The following PPIC variants were observed in gnomAD, a reference collection of about 807,000 sequenced individuals.
PPIC encodes peptidyl-prolyl cis-trans isomerase C.
Under a neutral mutation model 19.5 loss-of-function variants are expected in PPIC, and 19 were observed. The observed-to-expected ratio is 0.98, with a 90% CI of 0.68 to 1.43. The LOEUF (loss-of-function observed/expected upper bound fraction) is 1.43, where lower values mean the gene tolerates loss of function less well. Among genes scored for constraint, PPIC ranks in the 40% most tolerant of loss-of-function variants. The pLI, the probability that PPIC is intolerant of heterozygous loss-of-function variation, is 0.00. For synonymous variants in PPIC, 107 were observed against 101.2 expected (o/e 1.06, Z -0.34); for missense variants, 268 against 268.6 (o/e 1.00, Z 0.02).
Position 123,023,807 on chromosome 5 carries a change from AACAC to A in PPIC, c.*64_*67del, listed in dbSNP as rs70988555. ...AAAGCAAATAATTGAAAGACAACAC[AACAC>A]ACACACACACACACACACACACACA... On this transcript the variant is annotated 3_prime_UTR_variant, in exon 5 of 5. Transcript: ENST00000306442. 12,307 of 1,291,420 alleles carry A rather than the reference AACAC, an allele frequency of 9.5e-3. 64 individuals are homozygous for A. The highest frequency in any genetic ancestry group is 0.074 in the Admixed American group (2,816 of 38,296). 80.0% of individuals were successfully genotyped at this position (1,291,420 alleles called of 1,614,324 possible). A position where few individuals can be genotyped will look rare whatever the true frequency, so the allele number is the denominator to read the frequency against.
chr5:123,035,639 C>T (rs1268610511), intron 1 of PPIC, among the ~76,000 whole-genome samples: 1 of 152,190 alleles, frequency 6.6e-6, no homozygotes, highest in African/African-American at 2.4e-5. Flanking sequence ...AGCCCGCCCC[C>T]TCCAGCTTCA....
intron 1 of PPIC, among the ~76,000 whole-genome samples, chr5:123,030,072 C>A (rs140964373): frequency 6.6e-6 from 1 of 152,288 alleles, no homozygotes; most frequent in East Asian, 1.9e-4. Flanking sequence ...TGGGTCATCA[C>A]GCTGACAAAG....
At chr5:123,032,852 A>T (rs560750903) in intron 1 of PPIC, among the ~76,000 whole-genome samples, 1 of 152,238 alleles carries the variant, frequency 6.6e-6, no homozygotes, top group South Asian at 2.1e-4. Context: ...TCCATGCTAG[A>T]CTTTGGGGTG....
intron 3 of PPIC, among the ~76,000 whole-genome samples, chr5:123,026,481 G>C (rs751135611): frequency 1.1e-4 from 17 of 152,156 alleles, no homozygotes; most frequent in Middle Eastern, 3.2e-3. Context: ...CTGAAGAGTA[G>C]GTATTCTCCG....
intron 4 of PPIC, 125 bp downstream of exon 4, chr5:123,025,658 CT>C: frequency 1.0e-6 from 1 of 974,666 alleles, no homozygotes; most frequent in Non-Finnish European, 1.5e-6. Flanking sequence ...ATTTATTCAC[CT>C]TTGAAGAGGC....
At chr5:123,026,419 C>A (rs773445909) in intron 3 of PPIC, among the ~76,000 whole-genome samples, 3 of 152,190 alleles carry the variant, frequency 2.0e-5, no homozygotes, top group African/African-American at 4.8e-5. Context: ...AGCACCCAAC[C>A]AGGATGCACC....
Position 123,028,770 on chromosome 5 carries a change from G to A in PPIC, c.325+5C>T, listed in dbSNP as rs780293313. ...AATGGGAAAGGAAAAATGCAAAGAC[G>A]TTACCCCCAGTGCCATCTCCAGTGG... On this transcript the variant is annotated splice_donor_5th_base_variant and intron_variant, in intron 3 of 4. Coordinates refer to ENST00000306442, the MANE Select transcript of PPIC (RefSeq NM_000943.5). 51 of 1,605,372 alleles carry A rather than the reference G, an allele frequency of 3.2e-5. No individual in the cohort carries two copies. The highest frequency in any genetic ancestry group is 4.2e-5 in the Non-Finnish European group (49 of 1,173,776).
At chr5:123,028,681 C>T in intron 3 of PPIC, 94 bp downstream of exon 3, 1 of 1,014,832 alleles carries the variant, frequency 9.9e-7, no homozygotes, top group Non-Finnish European at 1.5e-6. Context: ...AACTGTGTTC[C>T]TTAGCTCTGG....
rs1762845115 is a variant in PPIC at position 123,025,881 on chromosome 5, C to T, written c.413G>A (p.Gly138Glu). 1 of 1,614,002 alleles carries T rather than the reference C, an allele frequency of 6.2e-7. No homozygotes were observed. Among genetic ancestry groups the T allele is most frequent in the African/African-American group, 1.3e-5 (1 of 74,984 alleles). The change falls in exon 4 of 5, where the codon GGG becomes GAG. Residue 138 changes from glycine (G) to glutamate (E), a missense_variant. Physicochemically the swap from Gly to Glu is moderately conservative, Grantham distance 98. Coordinates refer to ENST00000306442, the MANE Select transcript of PPIC (RefSeq NM_000943.5). ...GAACTGAGAGCCATTGGTGTCAGGC[C>T]CAGCGTTGGCCATGCTGACCCACCC... ...GIGWVSMANA[G>E]PDTNGSQFFI...
chr5:123,034,279 C>G (rs1258534355), intron 1 of PPIC, among the ~76,000 whole-genome samples: 1 of 152,120 alleles, frequency 6.6e-6, no homozygotes, highest in Non-Finnish European at 1.5e-5. Flanking sequence ...TAAGACGCAC[C>G]TACACAATCA....
chr5:123,032,397 G>C (rs570841108), intron 1 of PPIC, among the ~76,000 whole-genome samples: 16 of 152,294 alleles, frequency 1.1e-4, no homozygotes, highest in Non-Finnish European at 2.2e-4. Flanking sequence ...TCTCCGGGTC[G>C]AGCCAGGGAA....
At chr5:123,026,094 T>C (rs1762849038) in intron 3 of PPIC, 126 bp from the exon 4 acceptor site, 1 of 778,282 alleles carries the variant, frequency 1.3e-6, no homozygotes, top group Non-Finnish European at 2.0e-6. Context: ...GGAAGACATG[T>C]TCAAACATAA....
chr5:123,027,198 G>GA (rs1391591555), intron 3 of PPIC, among the ~76,000 whole-genome samples: 7 of 150,370 alleles, frequency 4.7e-5, no homozygotes, highest in East Asian at 1.9e-4. Context: ...TGTCTCAAAA[G>GA]AAAAAAAAAG....
At chr5:123,034,723 T>C (rs1762982533) in intron 1 of PPIC, among the ~76,000 whole-genome samples, 1 of 152,172 alleles carries the variant, frequency 6.6e-6, no homozygotes, top group Non-Finnish European at 1.5e-5. Context: ...TATTTGGCAA[T>C]CCTATTCCCT....
In PPIC at chr5:123,024,011, G is replaced by C. The variant is rs760783773; in HGVS notation, c.511-8C>G. The C allele has an allele frequency of 6.2e-7, 1 of 1,611,010 alleles. No individual in the cohort carries two copies. The highest frequency in any genetic ancestry group is 8.5e-7 in the Non-Finnish European group (1 of 1,178,410). ...TATGGAGTGCACCACTGTCTGGTGA[G>C]AGAAAAGTAGACACATGGTTTAATT... On this transcript the variant is annotated splice_region_variant and splice_polypyrimidine_tract_variant and intron_variant, in intron 4 of 4. Transcript: ENST00000306442.
chr5:123,036,688 T>A lies in PPIC; in HGVS notation c.-63A>T. On this transcript the variant is annotated 5_prime_UTR_variant, in exon 1 of 5. Transcript: ENST00000306442. The surrounding 1 kb of genome is among the most constrained non-coding windows in gnomAD (Gnocchi z 4.5). ...ACCGGCACGGGCGCGACACAGGCTCTGGGACAGCTGACGGGACTGCCGGCC... is the reference window on the plus strand; with the variant it reads ...ACCGGCACGGGCGCGACACAGGCTCAGGGACAGCTGACGGGACTGCCGGCC... 2 of 1,403,300 alleles carry A rather than the reference T, an allele frequency of 1.4e-6. No homozygotes were observed. Among genetic ancestry groups the A allele is most frequent in the Non-Finnish European group, 2.0e-6 (2 of 1,025,302 alleles). 86.9% of individuals were successfully genotyped at this position (1,403,300 alleles called of 1,614,324 possible).
At chr5:123,029,827 C>T (rs1762920481) in intron 1 of PPIC, among the ~76,000 whole-genome samples, 1 of 152,196 alleles carries the variant, frequency 6.6e-6, no homozygotes, top group South Asian at 2.1e-4. Context: ...GTAATGCTCT[C>T]TAATCTTGGC....
chr5:123,026,194 A>T (rs1219231931), intron 3 of PPIC, among the ~76,000 whole-genome samples: 1 of 152,250 alleles, frequency 6.6e-6, no homozygotes, highest in Non-Finnish European at 1.5e-5. Flanking sequence ...AATATGGCAC[A>T]GGATAGTGGG....
In PPIC at chr5:123,023,939, G is replaced by A. The variant is rs371579770; in HGVS notation, c.575C>T (p.Ser192Leu). 6.2e-6 allele frequency: 10 copies of A among 1,614,012 alleles called. No individual in the cohort carries two copies. The highest frequency in any genetic ancestry group is 2.2e-5 in the East Asian group (1 of 44,874). Residue 192 changes from serine to leucine, a missense_variant, in exon 5 of 5, where the codon TCG becomes TTG. Transcript: ENST00000306442. Reference protein sequence around the residue: ...DGHDRPLTNCSIINSGKIDVK... With the variant: ...DGHDRPLTNCLIINSGKIDVK... Reference sequence around the variant, plus strand: ...GTCTATCTTGCCACTGTTGATGATCGAGCAGTTGGTGAGTGGACGGTCATG... The same window carrying A: ...GTCTATCTTGCCACTGTTGATGATCAAGCAGTTGGTGAGTGGACGGTCATG...
Sources: gnomAD v4.1 joint callset for allele counts (sites outside exome capture counted in the v4.1 genomes callset) on GRCh38, gnomAD v4.1.1 for gene constraint, Gnocchi (gnomAD v3.1) non-coding constraint, MANE v1.5 for transcripts, NCBI Gene and HGNC (gene_info 2026-07-23, HGNC 2026-07-21) for gene names.